NCAM1: variants seen among roughly 807,000 people sequenced by gnomAD.
NCAM1 encodes the protein antigen recognized by monoclonal antibody 5.1H11.
A neutral mutation model predicts 109.8 loss-of-function variants in NCAM1; 14 were observed. The observed-to-expected ratio is 0.13, with a 90% CI of 0.08 to 0.20. The LOEUF (loss-of-function observed/expected upper bound fraction) is 0.20, where lower values mean the gene tolerates loss of function less well. Ranked by LOEUF, NCAM1 falls within the 10% of genes least tolerant of loss-of-function variation. The pLI is 1.00. For synonymous variants in NCAM1, 418 were observed against 442.9 expected, an observed-to-expected ratio of 0.94 and a Z score of 0.70; for missense variants, 774 against 1,109.9, an observed-to-expected ratio of 0.70 and a Z score of 4.30.
chr11:113,118,305 G>A (rs1348938021), intron 1 of NCAM1, among the ~76,000 whole-genome samples: 1 of 151,940 alleles, frequency 6.6e-6, no homozygotes, highest in East Asian at 1.9e-4. Flanking sequence ...CTGTTCAGCT[G>A]TTCTTTTAGC....
Position 113,243,482 on chromosome 11 carries a change from T to C in NCAM1, c.1826-2886T>C, listed in dbSNP as rs145498034. 446 of 485,640 alleles carry C rather than the reference T, an allele frequency of 9.2e-4. 3 individuals are homozygous for C. Among genetic ancestry groups the C allele is most frequent in the African/African-American group, 8.0e-3 (412 of 51,580 alleles). The allele number at this position is 485,640 out of a possible 1,614,324, so 30.1% of individuals were successfully genotyped here. A position where few individuals can be genotyped will look rare whatever the true frequency, so the allele number is the denominator to read the frequency against. The stretch of plus-strand genomic sequence containing the variant: ...GCTCCCCTTGGGTTGAGAGTCCAGA[T>C]GAAAGTGCTGGAATTTATCTCTTGA... On this transcript the variant is annotated intron_variant, in intron 14 of 19. Transcript: ENST00000316851.
At chr11:113,073,850 G>C (rs1555085690) in intron 1 of NCAM1, among the ~76,000 whole-genome samples, 2 of 152,180 alleles carry the variant, frequency 1.3e-5, no homozygotes, top group African/African-American at 2.4e-5. Context: ...TGCAAAGAAA[G>C]TTGCAGAAGG....
intron 1 of NCAM1, among the ~76,000 whole-genome samples, chr11:112,971,696 CTGTT>C (rs1950886259): frequency 6.6e-6 from 1 of 152,106 alleles, no homozygotes; most frequent in African/African-American, 2.4e-5. Context: ...ATCTTACTGT[CTGTT>C]TGGGAATGAA....
chr11:113,235,816 T>C (rs868908157), intron 14 of NCAM1, among the ~76,000 whole-genome samples: 1 of 152,154 alleles, frequency 6.6e-6, no homozygotes, highest in African/African-American at 2.4e-5. Context: ...GGCCATTCCC[T>C]CTTTCTTTTA....
At chr11:113,203,851 A>G (rs1555112343) in intron 2 of NCAM1, among the ~76,000 whole-genome samples, 1 of 152,212 alleles carries the variant, frequency 6.6e-6, no homozygotes, top group Non-Finnish European at 1.5e-5. Flanking sequence ...CCCATTATCC[A>G]AGGCTTCAAA....
At chr11:113,257,397 A>T (rs1945860321) in intron 16 of NCAM1, among the ~76,000 whole-genome samples, 1 of 152,228 alleles carries the variant, frequency 6.6e-6, no homozygotes, top group African/African-American at 2.4e-5. Flanking sequence ...CCATCTGTAA[A>T]ATGGGGATAA....
At chr11:113,106,835 G>A (rs1940195711) in intron 1 of NCAM1, among the ~76,000 whole-genome samples, 1 of 152,156 alleles carries the variant, frequency 6.6e-6, no homozygotes, top group Admixed American at 6.6e-5. Flanking sequence ...TAGCCCATCT[G>A]TTTCTAAAAA....
intron 1 of NCAM1, among the ~76,000 whole-genome samples, chr11:112,970,363 A>G (rs923617250): frequency 6.6e-6 from 1 of 152,162 alleles, no homozygotes; most frequent in Admixed American, 6.5e-5. Context: ...AGCATCCACT[A>G]TGGTGGTCGG....
At chr11:113,032,145 A>T (rs974059814) in intron 1 of NCAM1, among the ~76,000 whole-genome samples, 4 of 152,086 alleles carry the variant, frequency 2.6e-5, no homozygotes, top group Non-Finnish European at 5.9e-5. Context: ...CTCTCTATGT[A>T]ACCCAGGCTG....
At chr11:113,025,820 AGAGG>A (rs1434341689) in intron 1 of NCAM1, among the ~76,000 whole-genome samples, 39 of 138,722 alleles carry the variant, frequency 2.8e-4, no homozygotes, top group Admixed American at 6.8e-4. Context: ...AGAGAGAGAG[AGAGG>A]GAGAGAGAGA....
chr11:113,240,802 G>C (rs201335423), intron 14 of NCAM1: 2 of 1,612,994 alleles, frequency 1.2e-6, no homozygotes, highest in East Asian at 2.2e-5. Flanking sequence ...CTGCTAGCTC[G>C]TCTACCCCTG....
intron 14 of NCAM1, among the ~76,000 whole-genome samples, chr11:113,245,378 G>A (rs112383419): frequency 0.031 from 4,689 of 152,298 alleles, 115 homozygotes; most frequent in Non-Finnish European, 0.051. Flanking sequence ...GGAGGTCAAG[G>A]CTGGAGTGAG....
At chr11:113,079,928 T>C (rs1555086863) in intron 1 of NCAM1, among the ~76,000 whole-genome samples, 1 of 152,220 alleles carries the variant, frequency 6.6e-6, no homozygotes, top group East Asian at 1.9e-4. Flanking sequence ...GTCTTCGTTC[T>C]TTGGAAGGCT....
intron 1 of NCAM1, among the ~76,000 whole-genome samples, chr11:113,054,727 A>T (rs917413857): frequency 1.3e-5 from 2 of 152,162 alleles, no homozygotes; most frequent in African/African-American, 4.8e-5. Flanking sequence ...TTTTTGATGG[A>T]AAGTCAGAAG....
Position 113,192,386 on chromosome 11 carries a change from G to T in NCAM1, c.53-9993G>T, listed in dbSNP as rs116361475. On this transcript the variant is annotated intron_variant, in intron 1 of 19. Transcript: ENST00000316851. ...TCAGTTTCATGCAAAGTGCTGGCCC[G>T]CAATAAGGGTCTGCTTAGACAAGGG... Among the ~76,000 whole-genome samples the T allele has an allele frequency of 6.4e-3, 957 of 150,064 alleles. 9 individuals carry two copies. The highest frequency in any genetic ancestry group is 0.023 in the African/African-American group (916 of 40,502).
intron 1 of NCAM1, among the ~76,000 whole-genome samples, chr11:113,028,911 C>A (rs1892981): frequency 1.3e-5 from 2 of 151,912 alleles, no homozygotes; most frequent in African/African-American, 2.4e-5. Flanking sequence ...GAAAATAATA[C>A]CTCTTAAGTA....
intron 19 of NCAM1, among the ~76,000 whole-genome samples, chr11:113,272,780 T>A (rs1164216477): frequency 6.6e-6 from 1 of 152,104 alleles, no homozygotes; most frequent in Non-Finnish European, 1.5e-5. Flanking sequence ...CCTCTCAGCA[T>A]CCTTCTCTCT....
chr11:113,102,256 T>C (rs1939909206), intron 1 of NCAM1, among the ~76,000 whole-genome samples: 1 of 152,212 alleles, frequency 6.6e-6, no homozygotes, highest in Admixed American at 6.5e-5. Context: ...AAGGATTGTC[T>C]TACAGAAAAA....
At chr11:113,252,685 G>T (rs951002389) in intron 15 of NCAM1, among the ~76,000 whole-genome samples, 8 of 151,936 alleles carry the variant, frequency 5.3e-5, no homozygotes, top group Middle Eastern at 3.4e-3. Context: ...ACCCAGGCTG[G>T]AGTGCAGTGG....
Sources: allele counts gnomAD v4.1 joint callset (sites outside exome capture counted in the v4.1 genomes callset), GRCh38; gene constraint gnomAD v4.1.1; transcripts MANE v1.5; gene names NCBI Gene and HGNC (gene_info 2026-07-23, HGNC 2026-07-21).